Variants in UGGT1 observed in about 807,000 individuals in gnomAD.
UGGT1 encodes the protein UDP-glucose:glycoprotein glucosyltransferase 1.
UGGT1 carries 107 observed loss-of-function variants against 203.9 expected under a neutral mutation model. The ratio of observed to expected loss-of-function variants is 0.52; its 90% CI spans 0.45 to 0.62. UGGT1 has a LOEUF of 0.62. UGGT1 is among the 20% of genes least tolerant of loss of function. The pLI is 0.00. For missense variants in UGGT1, 1,673 were observed against 1,867.2 expected (o/e 0.90, Z 1.92); for synonymous variants, 628 against 653.5 (o/e 0.96, Z 0.59).
At position 128,195,143 on chromosome 2, in the gene UGGT1, G is replaced by A. The variant is rs1349703172; in HGVS notation, c.*5401G>A. ...GGAGGCCAAGGCAGGCGGATCACCC[G>A]AGGTCAGGAGTTTGAGGATTTGCAA... is the stretch of plus-strand genomic sequence containing the variant. On this transcript the variant is annotated 3_prime_UTR_variant, in exon 41 of 41. Transcript: ENST00000259253. 4 of 152,276 alleles carry A rather than the reference G, an allele frequency of 2.6e-5. No individual in the cohort carries two copies. The highest frequency in any genetic ancestry group is 6.5e-5 in the Admixed American group (1 of 15,288). The allele number at this position is 152,276 out of a possible 1,614,324, so 9.4% of individuals were successfully genotyped here. A position where few individuals can be genotyped will look rare whatever the true frequency, so the allele number is the denominator to read the frequency against.
At chr2:128,120,801 A>T (rs193070034) in intron 9 of UGGT1, among the ~76,000 whole-genome samples, 2 of 152,190 alleles carry the variant, frequency 1.3e-5, no homozygotes, top group Non-Finnish European at 2.9e-5. Context: ...TTGTGGCAGG[A>T]TGTATGTGTT....
intron 25 of UGGT1, 85 bp from the exon 26 acceptor site, chr2:128,164,645 G>GT: frequency 9.2e-7 from 1 of 1,090,690 alleles, no homozygotes; most frequent in Non-Finnish European, 1.4e-6. Context: ...TTAGAATTCA[G>GT]TATTTGGGCT....
chr2:128,106,110 CTTTTTTTTTTTTT>C (rs66611494), intron 3 of UGGT1, among the ~76,000 whole-genome samples: 1 of 101,392 alleles, frequency 9.9e-6, no homozygotes, highest in Non-Finnish European at 2.1e-5. Flanking sequence ...CAGCCTGAAT[CTTTTTTTTTTTTT>C]TTTTTTGGAG....
At position 128,091,401 on chromosome 2, in the gene UGGT1, C is replaced by T. The variant is rs576164121; in HGVS notation, c.44C>T (p.Ala15Val). The change falls in exon 1 of 41, where the codon GCG becomes GTG. Residue 15 changes from alanine (A) to valine (V), a missense_variant. Around this residue, in one of 4 missense-constraint regions of UGGT1, gnomAD observed 83 missense variants for 87.2 expected, o/e 0.95. Transcript: ENST00000259253. ...GDASGACAAGALPVTGVCYKM... is the reference protein window; with the variant it reads ...GDASGACAAGVLPVTGVCYKM... The stretch of plus-strand genomic sequence containing the variant: ...GCGAGCGGTGCGTGTGCCGCGGGTG[C>T]GCTGCCGGTGACAGGTACCCAGGGG... The T allele has an allele frequency of 1.3e-6, 2 of 1,580,172 alleles. No homozygotes were observed. The highest frequency in any genetic ancestry group is 1.8e-5 in the Admixed American group (1 of 55,024).
intron 12 of UGGT1, among the ~76,000 whole-genome samples, chr2:128,128,671 C>G (rs1200169535): frequency 6.6e-6 from 1 of 152,176 alleles, no homozygotes; most frequent in African/African-American, 2.4e-5. Context: ...TGGATTCTTT[C>G]AGGCTTTTTT....
chr2:128,171,418 T>C (rs1245897166), intron 28 of UGGT1, 134 bp downstream of exon 28: 3 of 849,938 alleles, frequency 3.5e-6, no homozygotes, highest in Non-Finnish European at 5.4e-6. Context: ...ATGTTCAGTT[T>C]TGCCAAATTT....
At chr2:128,124,801 G>A (rs994646997) in intron 11 of UGGT1, among the ~76,000 whole-genome samples, 7 of 151,772 alleles carry the variant, frequency 4.6e-5, no homozygotes, top group East Asian at 1.9e-4. Flanking sequence ...TGGTGTTCCC[G>A]TGTATCTCTG....
chr2:128,186,608 C>A, intron 38 of UGGT1, 75 bp from the exon 39 acceptor site: 1 of 1,285,114 alleles, frequency 7.8e-7, no homozygotes, highest in Non-Finnish European at 1.1e-6. Flanking sequence ...CCCCATCTCT[C>A]AATAAATAAA....
In UGGT1 at chr2:128,145,957, C is replaced by T. The variant is rs145894335; in HGVS notation, c.2006C>T (p.Ala669Val). The T allele has an allele frequency of 3.2e-3, 5,115 of 1,613,508 alleles. 60 individuals are homozygous for T. The highest frequency in any genetic ancestry group is 0.021 in the South Asian group (1,876 of 90,988). Reference sequence around the variant, plus strand: ...GAGACCACCACCTTCTTCCAAAGAGCGGTGTACTTGGTGAGTCACGTTTCA... The same window carrying T: ...GAGACCACCACCTTCTTCCAAAGAGTGGTGTACTTGGTGAGTCACGTTTCA... ...ILETTTFFQR[A>V]VYLGELPHDQ... The change falls in exon 18 of 41, where the codon GCG becomes GTG. Residue 669 changes from alanine (A) to valine (V), a missense_variant. Ala to Val is a moderately conservative substitution (Grantham distance 64). This residue lies in a region of UGGT1 where 1,073 missense variants were observed against 1,078.7 expected (regional missense o/e 0.99). Transcript: ENST00000259253.
intron 9 of UGGT1, 94 bp from the exon 10 acceptor site, chr2:128,121,105 C>T: frequency 8.5e-7 from 1 of 1,176,526 alleles, no homozygotes; most frequent in Non-Finnish European, 1.3e-6. Flanking sequence ...TTCTTAATTA[C>T]CATGAAAAGA....
At chr2:128,128,630 T>C (rs538176137) in intron 12 of UGGT1, among the ~76,000 whole-genome samples, 1 of 152,316 alleles carries the variant, frequency 6.6e-6, no homozygotes, top group South Asian at 2.1e-4. Context: ...CTATCTCTTC[T>C]GTCTCTCCCA....
At chr2:128,153,066 A>G (rs890501117) in intron 19 of UGGT1, among the ~76,000 whole-genome samples, 162 bp downstream of exon 19, 5 of 152,094 alleles carry the variant, frequency 3.3e-5, no homozygotes, top group African/African-American at 9.6e-5. Flanking sequence ...CCTTTAGTTC[A>G]TAATATGAGA....
rs1692476460 is a variant in UGGT1 at position 128,195,590 on chromosome 2, T to C, written c.*5848T>C. The C allele has an allele frequency of 6.6e-6, 1 of 152,204 alleles. No homozygotes were observed. Among genetic ancestry groups the C allele is most frequent in the Non-Finnish European group, 1.5e-5 (1 of 68,040 alleles). The allele number at this position is 152,204 out of a possible 1,614,324, so 9.4% of individuals were successfully genotyped here. On this transcript the variant is annotated 3_prime_UTR_variant, in exon 41 of 41. Coordinates refer to ENST00000259253, the MANE Select transcript of UGGT1 (RefSeq NM_020120.4). The stretch of plus-strand genomic sequence containing the variant: ...TTTAAATGTCTGCAGAATCTCTGCG[T>C]TCGAAGGGAATTGAGAATGAACTTC...
At chr2:128,173,647 T>G (rs1691229170) in intron 29 of UGGT1, 134 bp from the exon 30 acceptor site, 3 of 1,110,706 alleles carry the variant, frequency 2.7e-6, no homozygotes, top group African/African-American at 3.2e-5. Context: ...CTTTTGTCTT[T>G]TCTTGAATTT....
chr2:128,158,243 T>G (rs1690339817), intron 22 of UGGT1, among the ~76,000 whole-genome samples: 1 of 152,204 alleles, frequency 6.6e-6, no homozygotes, highest in Non-Finnish European at 1.5e-5. Context: ...TGAAGTAAAA[T>G]GTAGGTTCAC....
At chr2:128,116,623 C>T (rs1261856354) in intron 8 of UGGT1, among the ~76,000 whole-genome samples, 1 of 152,170 alleles carries the variant, frequency 6.6e-6, no homozygotes, top group Admixed American at 6.5e-5. Context: ...TTTCCACGTT[C>T]AAGTGATTAT....
At chr2:128,114,124 T>G (rs1247111916) in intron 6 of UGGT1, among the ~76,000 whole-genome samples, 2 of 152,112 alleles carry the variant, frequency 1.3e-5, no homozygotes, top group Non-Finnish European at 2.9e-5. Context: ...ATTTATTGAT[T>G]TATTTATTTT....
rs368171794 is a variant in UGGT1, at chr2:128,155,860, A to G, written c.2236+273A>G. Among the ~76,000 whole-genome samples, 8 of 152,280 alleles carry G rather than the reference A, an allele frequency of 5.3e-5. No homozygotes were observed. In the South Asian group the frequency reaches 1.0e-3, roughly 20 times the overall value. The stretch of plus-strand genomic sequence containing the variant: ...CTAAAGTCAAAAGGAAAAATATTTC[A>G]TAGTTCAAATGGAAAAACATTTGTG... On this transcript the variant is annotated intron_variant, in intron 20 of 40. Coordinates refer to ENST00000259253, the MANE Select transcript of UGGT1 (RefSeq NM_020120.4).
rs1041338939 is a variant in UGGT1, at chr2:128,182,740, C to T, written c.4244+450C>T. 2.7e-5 allele frequency among the ~76,000 whole-genome samples: 4 copies of T among 150,586 alleles called. No homozygotes were observed. The East Asian group carries it at 7.8e-4, about 29-fold the overall frequency. On this transcript the variant is annotated intron_variant, in intron 37 of 40. Transcript: ENST00000259253. ...ACAGTGTAAAAAAAACTTCCTAATC[C>T]TGTCTCTCTCTTTCCTACTCAGTTC... is the stretch of plus-strand genomic sequence containing the variant.
Sources: allele counts gnomAD v4.1 joint callset (sites outside exome capture counted in the v4.1 genomes callset), GRCh38; gene constraint gnomAD v4.1.1; regional missense constraint gnomAD v4.1.1; transcripts MANE v1.5; gene names NCBI Gene and HGNC (gene_info 2026-07-23, HGNC 2026-07-21).